RIOK1: variants seen among roughly 807,000 people sequenced by gnomAD.
RIOK1 encodes RIO kinase 1.
In RIOK1, 66 loss-of-function variants were observed where a neutral mutation model predicts 73.5. The observed-to-expected ratio is 0.90, with a 90% CI of 0.74 to 1.10. RIOK1 has a LOEUF of 1.10. Ranked by LOEUF, RIOK1 falls within the 50% of genes least tolerant of loss-of-function variation. RIOK1 has a pLI of 0.00. For synonymous variants in RIOK1, 224 were observed against 226.8 expected, an observed-to-expected ratio of 0.99 and a Z score of 0.11; for missense variants, 658 against 699.8, an observed-to-expected ratio of 0.94 and a Z score of 0.67.
chr6:7,391,556 G>C (rs746559008), intron 1 of RIOK1, among the ~76,000 whole-genome samples: 2 of 152,198 alleles, frequency 1.3e-5, no homozygotes, highest in Non-Finnish European at 2.9e-5. Flanking sequence ...GTAGTTAATG[G>C]TAATGAGAGG....
intron 1 of RIOK1, 114 bp from the exon 2 acceptor site, chr6:7,392,985 A>C (rs1761377822): frequency 7.7e-7 from 1 of 1,302,186 alleles, no homozygotes; most frequent in Non-Finnish European, 1.0e-6. Context: ...TTTTATATAA[A>C]TATATAATCT....
intron 8 of RIOK1, among the ~76,000 whole-genome samples, chr6:7,403,338 A>G (rs529797005): frequency 9.8e-5 from 15 of 152,326 alleles, no homozygotes; most frequent in East Asian, 1.9e-4. Flanking sequence ...TTTGTTTATC[A>G]TAGTTTCCTT....
intron 8 of RIOK1, 43 bp downstream of exon 8, chr6:7,402,940 C>T: frequency 1.3e-6 from 2 of 1,546,196 alleles, no homozygotes; most frequent in African/African-American, 1.4e-5. Flanking sequence ...ATGCCCTGTA[C>T]ATGAACATCA....
At chr6:7,409,213 T>G (rs1251715548) in intron 12 of RIOK1, among the ~76,000 whole-genome samples, 3 of 88,176 alleles carry the variant, frequency 3.4e-5, no homozygotes, top group Non-Finnish European at 4.5e-5. Context: ...TCCCGACTAA[T>G]TGTGTGTGTG....
intron 12 of RIOK1, among the ~76,000 whole-genome samples, chr6:7,408,924 T>A (rs900465844): frequency 3.3e-5 from 5 of 151,966 alleles, no homozygotes; most frequent in Non-Finnish European, 4.4e-5. Context: ...TTTCTCCATG[T>A]TGGTCAGGCT....
rs564131257 is a variant in RIOK1, at chr6:7,389,839, T to C, written c.-164T>C. The C allele has an allele frequency of 4.7e-5, 29 of 613,530 alleles. No homozygotes were observed. The East Asian group carries it at 8.1e-4, about 17-fold the overall frequency. 38.0% of individuals were successfully genotyped at this position (613,530 alleles called of 1,614,324 possible). A position where few individuals can be genotyped will look rare whatever the true frequency, so the allele number is the denominator to read the frequency against. The stretch of plus-strand genomic sequence containing the variant: ...CCGGTTGGGGTGGCAGGGTGGTGGA[T>C]CTGTCGGTCCCGTTTTCCCGTCGCA... On this transcript the variant is annotated 5_prime_UTR_variant, in exon 1 of 17. Coordinates refer to ENST00000379834, the MANE Select transcript of RIOK1 (RefSeq NM_031480.3).
rs1581716396 is a variant in RIOK1, at chr6:7,402,874, A to G, written c.744A>G (p.Glu248=). ...GGAAAATGGTGAAAACTTGGGCAGAAAAAGAAATGAGGAACTTAATCAGGT... is the reference window on the plus strand; with the variant it reads ...GGAAAATGGTGAAAACTTGGGCAGAGAAAGAAATGAGGAACTTAATCAGGT... ...NPRKMVKTWA[E]KEMRNLIRLN... Residue 248 remains glutamate (E), a synonymous_variant, in exon 8 of 17, where the codon GAA becomes GAG. Coordinates refer to ENST00000379834, the MANE Select transcript of RIOK1 (RefSeq NM_031480.3). 1 of 1,614,072 alleles carries G rather than the reference A, an allele frequency of 6.2e-7. No homozygotes were observed. The highest frequency in any genetic ancestry group is 8.5e-7 in the Non-Finnish European group (1 of 1,179,936).
In RIOK1 at chr6:7,402,680, C is replaced by T; in HGVS notation, c.651C>T (p.Phe217=). The T allele has an allele frequency of 6.2e-7, 1 of 1,611,984 alleles. No homozygotes were observed. Among genetic ancestry groups the T allele is most frequent in the South Asian group, 1.1e-5 (1 of 90,780 alleles). The change falls in exon 7 of 17, where the codon TTC becomes TTT. Residue 217 remains phenylalanine (F), a synonymous_variant. Transcript: ENST00000379834. The part of the protein sequence containing the change: ...IKIYKTSILV[F]KDRDKYVSGE... ...TTTATAAAACTTCTATTTTGGTGTT[C>T]AAAGATCGGGATAAATATGTAAGTG...
At chr6:7,414,118 T>G (rs1761946064) in intron 15 of RIOK1, 120 bp from the exon 16 acceptor site, 1 of 826,008 alleles carries the variant, frequency 1.2e-6, no homozygotes, top group South Asian at 2.0e-5. Context: ...TACAGGATGT[T>G]AGTTTTTAAC....
At position 7,402,636 on chromosome 6, in the gene RIOK1, GA is replaced by G; in HGVS notation, c.608del (p.Glu203GlyfsTer22). On this transcript the variant is annotated frameshift_variant, in exon 7 of 17. Coordinates refer to ENST00000379834, the MANE Select transcript of RIOK1 (RefSeq NM_031480.3). LOFTEE classifies it high-confidence loss of function. ...ATACCATGCTAGCACAGCAAATGGA[GA>G]GAGCAGAGCAATCAAAATTTATAAA... ...NVYHASTANG[E>X]SRAIKIYKTS... 2 of 1,611,212 alleles carry G rather than the reference GA, an allele frequency of 1.2e-6. No individual in the cohort carries two copies. Among genetic ancestry groups the G allele is most frequent in the Non-Finnish European group, 1.7e-6 (2 of 1,178,842 alleles).
At chr6:7,397,517 C>T (rs149484310) in intron 4 of RIOK1, among the ~76,000 whole-genome samples, 230 of 152,252 alleles carry the variant, frequency 1.5e-3, no homozygotes, top group Middle Eastern at 6.8e-3. Context: ...CACTTCTGTT[C>T]TCAAAGCCAA....
At chr6:7,398,964 A>G (rs1397687334) in intron 5 of RIOK1, among the ~76,000 whole-genome samples, 1 of 152,178 alleles carries the variant, frequency 6.6e-6, no homozygotes, top group Admixed American at 6.5e-5. Context: ...TTGCAGAGCC[A>G]CCATGCGATG....
intron 1 of RIOK1, 65 bp from the exon 2 acceptor site, chr6:7,393,034 T>C: frequency 6.9e-7 from 1 of 1,440,366 alleles, no homozygotes; most frequent in Non-Finnish European, 9.6e-7. Flanking sequence ...ACATCATAAA[T>C]ATGTGAGATC....
intron 12 of RIOK1, among the ~76,000 whole-genome samples, chr6:7,406,946 G>A (rs1040535432): frequency 6.6e-6 from 1 of 152,256 alleles, no homozygotes; most frequent in Non-Finnish European, 1.5e-5. Context: ...GCAGACATGA[G>A]TCACCACGCC....
chr6:7,396,801 G>T (rs916321146), intron 4 of RIOK1, 29 bp downstream of exon 4: 1 of 1,221,338 alleles, frequency 8.2e-7, no homozygotes, highest in East Asian at 2.3e-5. Flanking sequence ...ATATGCATGG[G>T]TGATAAGGAC....
At chr6:7,405,379 A>G in intron 12 of RIOK1, 24 bp downstream of exon 12, 2 of 1,317,300 alleles carry the variant, frequency 1.5e-6, no homozygotes, top group Non-Finnish European at 2.2e-6. Context: ...AGGAAGGAGG[A>G]ATAGGAAATA....
intron 1 of RIOK1, chr6:7,392,875 A>G: frequency 1.0e-6 from 1 of 976,418 alleles, no homozygotes; most frequent in Non-Finnish European, 1.2e-6. Context: ...GTGCTTCTTG[A>G]ATAGTAGGCT....
intron 1 of RIOK1, 21 bp from the exon 2 acceptor site, chr6:7,393,078 A>G: frequency 6.2e-7 from 1 of 1,603,822 alleles, no homozygotes. Flanking sequence ...TTATGAAATA[A>G]TAAAACATTG....
chr6:7,391,890 T>A (rs774522790), intron 1 of RIOK1, among the ~76,000 whole-genome samples: 2 of 152,180 alleles, frequency 1.3e-5, no homozygotes, highest in Non-Finnish European at 2.9e-5. Context: ...AAGTAGCAAG[T>A]GTTTGATGAT....
Sources: gnomAD v4.1 joint callset for allele counts (sites outside exome capture counted in the v4.1 genomes callset) on GRCh38, gnomAD v4.1.1 for gene constraint, MANE v1.5 for transcripts, NCBI Gene and HGNC (gene_info 2026-07-23, HGNC 2026-07-21) for gene names.